Variants in SPNS2 observed in about 807,000 individuals in gnomAD.
The protein encoded by SPNS2 is sphingosine-1-phosphate transporter SPNS2.
Under a neutral mutation model 57.6 loss-of-function variants are expected in SPNS2, and 37 were observed. The ratio of observed to expected loss-of-function variants is 0.64; its 90% CI spans 0.49 to 0.85. SPNS2 has a LOEUF of 0.85. Among genes scored for constraint, SPNS2 ranks in the 40% least tolerant of loss-of-function variants. SPNS2 has a pLI of 0.00. For missense variants in SPNS2, 831 were observed against 779.1 expected, an observed-to-expected ratio of 1.07 and a Z score of -0.79; for synonymous variants, 440 against 346.9, an observed-to-expected ratio of 1.27 and a Z score of -2.98.
In SPNS2 at chr17:4,533,073, AGTT is replaced by A; in HGVS notation, c.1035_1037del (p.Val346del). 1 of 1,613,244 alleles carries A rather than the reference AGTT, an allele frequency of 6.2e-7. No homozygotes were observed. On this transcript the variant is annotated inframe_deletion, in exon 7 of 13. Transcript: ENST00000329078. ...TCCCGCTCTACCTGCACCGCGCCCAAGTTGTGCAGAAGACAGCAGAGACGTGCA... is the reference window on the plus strand; with the variant it reads ...TCCCGCTCTACCTGCACCGCGCCCAAGTGCAGAAGACAGCAGAGACGTGCA...
intron 2 of SPNS2, among the ~76,000 whole-genome samples, chr17:4,522,043 T>G (rs1905152469): frequency 6.6e-6 from 1 of 151,874 alleles, no homozygotes; most frequent in African/African-American, 2.4e-5. Context: ...TACTAAACAT[T>G]CAAAAATTAG....
chr17:4,519,875 A>G (rs1317294750), intron 2 of SPNS2, among the ~76,000 whole-genome samples: 2 of 152,014 alleles, frequency 1.3e-5, no homozygotes, highest in African/African-American at 4.8e-5. Flanking sequence ...TCTGCCAGGA[A>G]CATTCTCTCA....
chr17:4,537,721 A>C lies in SPNS2; in HGVS notation c.*273A>C. The C allele has an allele frequency of 2.2e-6, 1 of 456,776 alleles. No individual in the cohort carries two copies. The highest frequency in any genetic ancestry group is 1.5e-5 in the South Asian group (1 of 64,576). The allele number at this position is 456,776 out of a possible 1,614,324, so 28.3% of individuals were successfully genotyped here. ...GCAGGGCCCCTGGGGCCAAGGAAGAAGACAGCCCCAAGTGGGTGTCCGGGG... is the reference window on the plus strand; with the variant it reads ...GCAGGGCCCCTGGGGCCAAGGAAGACGACAGCCCCAAGTGGGTGTCCGGGG... On this transcript the variant is annotated 3_prime_UTR_variant, in exon 13 of 13. Transcript: ENST00000329078.
At chr17:4,536,006 C>G (rs545662689) in intron 9 of SPNS2, 70 bp from the exon 10 acceptor site, 36 of 1,374,872 alleles carry the variant, frequency 2.6e-5, no homozygotes, top group Middle Eastern at 2.5e-4. Context: ...AGAAGTGCCA[C>G]GGCCCGGGGC....
chr17:4,533,731 C>G, intron 8 of SPNS2, 57 bp from the exon 9 acceptor site: 3 of 1,588,516 alleles, frequency 1.9e-6, no homozygotes, highest in Non-Finnish European at 2.6e-6. Context: ...GGAACAGAGA[C>G]TGTGGTTGCT....
rs1567598084 is a variant in SPNS2 at position 4,536,434 on chromosome 17, G to C, written c.1607+8G>C. ...CGCCAGGGCTGAGCAGCAGTGAGTG[G>C]GGGGGAGGGGAGGCCCTGCTGCACC... is the stretch of plus-strand genomic sequence containing the variant. On this transcript the variant is annotated splice_region_variant and intron_variant, in intron 11 of 12. Transcript: ENST00000329078. 3 of 1,591,404 alleles carry C rather than the reference G, an allele frequency of 1.9e-6. No individual in the cohort carries two copies. The highest frequency in any genetic ancestry group is 2.2e-5 in the South Asian group (2 of 90,538).
In SPNS2 at chr17:4,499,258, CCCCCCGGCA is replaced by C. The variant is rs763007985; in HGVS notation, c.229_237del (p.Thr77_Gly79del). 967 of 1,461,400 alleles carry C rather than the reference CCCCCCGGCA, an allele frequency of 6.6e-4. 2 individuals are homozygous for C. The highest frequency in any genetic ancestry group is 1.2e-3 in the African/African-American group (79 of 67,714). The allele number at this position is 1,461,400 out of a possible 1,614,324, so 90.5% of individuals were successfully genotyped here. A position where few individuals can be genotyped will look rare whatever the true frequency, so the allele number is the denominator to read the frequency against. On this transcript the variant is annotated inframe_deletion, in exon 1 of 13. Coordinates refer to ENST00000329078, the MANE Select transcript of SPNS2 (RefSeq NM_001124758.3). The surrounding 1 kb of genome is among the most constrained non-coding windows in gnomAD (Gnocchi z 5.2). ...CAGCGTAAGGCGGGCCCCGACCGGACCCCCCGGCACCCCCGGCACCCCCGGCTGCGCAGC... is the reference window on the plus strand; with the variant it reads ...CAGCGTAAGGCGGGCCCCGACCGGACCCCCCGGCACCCCCGGCTGCGCAGC...
chr17:4,504,489 G>A (rs1358110120), intron 1 of SPNS2, among the ~76,000 whole-genome samples: 1 of 152,242 alleles, frequency 6.6e-6, no homozygotes, highest in East Asian at 1.9e-4. Flanking sequence ...CTGTGCCTCT[G>A]TTTCTCATTT....
At position 4,512,650 on chromosome 17, in the gene SPNS2, G is replaced by A. The variant is rs764443887; in HGVS notation, c.371-597G>A. Among the ~76,000 whole-genome samples the A allele has an allele frequency of 8.6e-5, 13 of 151,920 alleles. No homozygotes were observed. The highest frequency in any genetic ancestry group is 2.1e-4 in the South Asian group (1 of 4,784). On this transcript the variant is annotated intron_variant, in intron 1 of 12. Coordinates refer to ENST00000329078, the MANE Select transcript of SPNS2 (RefSeq NM_001124758.3). The surrounding 1 kb of genome is among the most constrained non-coding windows in gnomAD (Gnocchi z 5.2). ...GGTGACAGTGTGTGTGTGTGCGTGC[G>A]CGCGCACGGGTATGTGTGTGCGCGC...
In SPNS2 at chr17:4,538,922, G is replaced by A. The variant is rs202098334; in HGVS notation, c.*1474G>A. On this transcript the variant is annotated 3_prime_UTR_variant, in exon 13 of 13. Transcript: ENST00000329078. ...CCGAGTGTTGCCTCCTCTTCCTTCC[G>A]GAAGCCAAACTGCTCCTTTATTTTT... is the stretch of plus-strand genomic sequence containing the variant. The A allele has an allele frequency of 2.7e-3, 2,086 of 782,508 alleles. 11 individuals carry two copies. Among genetic ancestry groups the A allele is most frequent in the South Asian group, 5.3e-3 (396 of 74,636 alleles). 48.5% of individuals were successfully genotyped at this position (782,508 alleles called of 1,614,324 possible).
Position 4,531,135 on chromosome 17 carries a change from C to CT in SPNS2, c.792+18dup, listed in dbSNP as rs1228665564. ...GGCATTGCGGGTAAGCCCTACGTCC[C>CT]TTCCCATGAGGACACCCTCCGGTCC... is the stretch of plus-strand genomic sequence containing the variant. On this transcript the variant is annotated intron_variant, in intron 5 of 12. Coordinates refer to ENST00000329078, the MANE Select transcript of SPNS2 (RefSeq NM_001124758.3). The CT allele has an allele frequency of 2.5e-6, 4 of 1,613,522 alleles. No individual in the cohort carries two copies. In the Admixed American group the frequency reaches 6.7e-5, roughly 27 times the overall value.
At chr17:4,534,903 G>A (rs549816057) in intron 9 of SPNS2, among the ~76,000 whole-genome samples, 29 of 152,276 alleles carry the variant, frequency 1.9e-4, no homozygotes, top group South Asian at 8.3e-4. Flanking sequence ...GACAGCTGCC[G>A]GCAGGGTCAG....
intron 1 of SPNS2, among the ~76,000 whole-genome samples, chr17:4,506,445 TC>T (rs1300972521): frequency 6.6e-6 from 1 of 152,058 alleles, no homozygotes; most frequent in Non-Finnish European, 1.5e-5. Context: ...GTCTTGGGAG[TC>T]CCTGGGCCAG....
At position 4,531,302 on chromosome 17, in the gene SPNS2, C is replaced by T. The variant is rs1165002082; in HGVS notation, c.792+183C>T. 2.6e-5 allele frequency among the ~76,000 whole-genome samples: 4 copies of T among 152,192 alleles called. 1 individual carries two copies. Among genetic ancestry groups the T allele is most frequent in the African/African-American group, 7.2e-5 (3 of 41,458 alleles). The stretch of plus-strand genomic sequence containing the variant: ...GAGGTATCAGAGCGCTCAGATGTCC[C>T]GATTGAGGTGTCAGAGCCAGACACA... On this transcript the variant is annotated intron_variant, in intron 5 of 12. Transcript: ENST00000329078.
Position 4,538,606 on chromosome 17 carries a change from C to T in SPNS2, c.*1158C>T, listed in dbSNP as rs775475055. ...TCACCCACTCCCTGCACTTCTGCTG[C>T]AATCAAGGTGGTTCTGGTGCGGGGG... On this transcript the variant is annotated 3_prime_UTR_variant, in exon 13 of 13. Transcript: ENST00000329078. 2 of 442,530 alleles carry T rather than the reference C, an allele frequency of 4.5e-6. No individual in the cohort carries two copies. Among genetic ancestry groups the T allele is most frequent in the Non-Finnish European group, 8.2e-6 (2 of 243,962 alleles). The allele number at this position is 442,530 out of a possible 1,614,324, so 27.4% of individuals were successfully genotyped here.
At position 4,538,523 on chromosome 17, in the gene SPNS2, T is replaced by G. The variant is rs993099726; in HGVS notation, c.*1075T>G. The G allele has an allele frequency of 1.6e-5, 5 of 312,600 alleles. No individual in the cohort carries two copies. The highest frequency in any genetic ancestry group is 3.0e-5 in the Non-Finnish European group (5 of 164,732). 19.4% of individuals were successfully genotyped at this position (312,600 alleles called of 1,614,324 possible). On this transcript the variant is annotated 3_prime_UTR_variant, in exon 13 of 13. Coordinates refer to ENST00000329078, the MANE Select transcript of SPNS2 (RefSeq NM_001124758.3). ...CCTCCCATCCATGCACACACCAGGATGCAGCTGCCAACTTCACACCAGCCC... is the reference window on the plus strand; with the variant it reads ...CCTCCCATCCATGCACACACCAGGAGGCAGCTGCCAACTTCACACCAGCCC...
At chr17:4,526,846 G>T (rs1178990769) in intron 3 of SPNS2, among the ~76,000 whole-genome samples, 1 of 152,170 alleles carries the variant, frequency 6.6e-6, no homozygotes, top group Non-Finnish European at 1.5e-5. Context: ...CTTGCTTCAT[G>T]GGGCAGCTTC....
At chr17:4,504,957 C>T (rs1032620817) in intron 1 of SPNS2, among the ~76,000 whole-genome samples, 3 of 152,224 alleles carry the variant, frequency 2.0e-5, no homozygotes, top group Non-Finnish European at 2.9e-5. Context: ...TGGTCCCTGG[C>T]TCTGCCTGCA....
intron 2 of SPNS2, among the ~76,000 whole-genome samples, chr17:4,519,455 C>T (rs1423636541): frequency 1.3e-5 from 2 of 152,134 alleles, no homozygotes; most frequent in Non-Finnish European, 2.9e-5. Context: ...GGCCTCCTGC[C>T]AGCCTGGCGA....
Sources: allele counts gnomAD v4.1 joint callset (sites outside exome capture counted in the v4.1 genomes callset), GRCh38; gene constraint gnomAD v4.1.1; non-coding constraint Gnocchi (gnomAD v3.1); transcripts MANE v1.5; gene names NCBI Gene and HGNC (gene_info 2026-07-23, HGNC 2026-07-21).